RAPGEF4: variants seen among roughly 807,000 people sequenced by gnomAD.
RAPGEF4 encodes the protein Rap guanine nucleotide exchange factor 4.
RAPGEF4 carries 66 observed loss-of-function variants against 147.9 expected under a neutral mutation model. The ratio of observed to expected loss-of-function variants is 0.45; its 90% CI spans 0.37 to 0.55. RAPGEF4 has a LOEUF of 0.55. RAPGEF4 is among the 20% of genes least tolerant of loss of function. RAPGEF4 has a pLI of 0.00. For synonymous variants in RAPGEF4, 419 were observed against 442.7 expected (o/e 0.95, Z 0.67); for missense variants, 1,071 against 1,257.3 (o/e 0.85, Z 2.24).
At chr2:172,951,850 G>A (rs1182517879) in intron 6 of RAPGEF4, among the ~76,000 whole-genome samples, 1 of 152,074 alleles carries the variant, frequency 6.6e-6, no homozygotes, top group Non-Finnish European at 1.5e-5. Context: ...GTTTTTATAG[G>A]ATCATGCGGC....
chr2:172,845,755 G>T (rs911523762), intron 4 of RAPGEF4, among the ~76,000 whole-genome samples: 1 of 152,100 alleles, frequency 6.6e-6, no homozygotes. Context: ...AAGTTCATTC[G>T]CAATGTGGTG....
intron 23 of RAPGEF4, among the ~76,000 whole-genome samples, chr2:173,024,630 C>T (rs1696484611): frequency 6.6e-6 from 1 of 152,176 alleles, no homozygotes; most frequent in African/African-American, 2.4e-5. Flanking sequence ...CTTAACAAGC[C>T]TAGGTATAGG....
At chr2:172,895,719 A>G (rs1698403562) in intron 4 of RAPGEF4, among the ~76,000 whole-genome samples, 1 of 152,184 alleles carries the variant, frequency 6.6e-6, no homozygotes, top group African/African-American at 2.4e-5. Flanking sequence ...AGAGATGAGT[A>G]TCTTATTTTT....
chr2:173,020,605 T>C lies in RAPGEF4; in HGVS notation c.2156-13T>C. On this transcript the variant is annotated splice_polypyrimidine_tract_variant and intron_variant, in intron 22 of 30. Coordinates refer to ENST00000397081, the MANE Select transcript of RAPGEF4 (RefSeq NM_007023.4). ...GTATTTAATAGGCAATCTCATGCTT[T>C]TTATGTTCACAGAAAAGGTGGTGCT... The C allele has an allele frequency of 2.5e-6, 4 of 1,606,960 alleles. No homozygotes were observed. The highest frequency in any genetic ancestry group is 3.4e-6 in the Non-Finnish European group (4 of 1,173,720).
chr2:172,873,862 A>T (rs1391397697), intron 4 of RAPGEF4, among the ~76,000 whole-genome samples: 1 of 152,260 alleles, frequency 6.6e-6, no homozygotes, highest in Non-Finnish European at 1.5e-5. Context: ...AAGAAAACAA[A>T]CAACCTAATC....
intron 13 of RAPGEF4, 79 bp from the exon 14 acceptor site, chr2:172,988,614 G>A (rs1489148625): frequency 8.2e-6 from 12 of 1,460,524 alleles, no homozygotes; most frequent in Non-Finnish European, 1.1e-5. Flanking sequence ...TTAGGGGCTT[G>A]GGGGTCTTGT....
intron 3 of RAPGEF4, among the ~76,000 whole-genome samples, chr2:172,808,793 G>A (rs1200317736): frequency 6.6e-6 from 1 of 152,164 alleles, no homozygotes; most frequent in African/African-American, 2.4e-5. Flanking sequence ...GATAAGTTTT[G>A]AATTAAGTCT....
At chr2:172,823,051 ATACTC>A (rs1284481898) in intron 4 of RAPGEF4, among the ~76,000 whole-genome samples, 2 of 152,242 alleles carry the variant, frequency 1.3e-5, no homozygotes, top group East Asian at 1.9e-4. Flanking sequence ...AACTGAAAAA[ATACTC>A]TAAGAAAGAT....
In RAPGEF4 at chr2:172,739,112, G is replaced by A. The variant is rs905095251; in HGVS notation, c.65+3064G>A. Among the ~76,000 whole-genome samples the A allele has an allele frequency of 5.9e-5, 9 of 152,180 alleles. No individual in the cohort carries two copies. The East Asian group carries it at 1.5e-3, about 26-fold the overall frequency. On this transcript the variant is annotated intron_variant, in intron 1 of 30. Transcript: ENST00000397081. ...CTATGGTGGGACTGAGGAGATGAGG[G>A]TCTACAAATACTAATCTTAAAACCA...
intron 4 of RAPGEF4, among the ~76,000 whole-genome samples, chr2:172,889,004 C>T (rs1167886353): frequency 2.0e-5 from 3 of 152,012 alleles, no homozygotes; most frequent in South Asian, 2.1e-4. Context: ...ACCTCTTCAC[C>T]GAGGGAAAGA....
At chr2:172,815,206 C>T (rs905765085) in intron 4 of RAPGEF4, among the ~76,000 whole-genome samples, 4 of 152,356 alleles carry the variant, frequency 2.6e-5, no homozygotes, top group Admixed American at 6.5e-5. Flanking sequence ...AGGCTGCAGG[C>T]TTCGCCACTG....
At chr2:172,937,095 C>T (rs1253697781) in intron 6 of RAPGEF4, among the ~76,000 whole-genome samples, 1 of 148,234 alleles carries the variant, frequency 6.7e-6, no homozygotes, top group Admixed American at 6.8e-5. Flanking sequence ...GTGGTACCTG[C>T]TTGCAGTCCT....
In RAPGEF4 at chr2:172,967,365, G is replaced by A. The variant is rs1321009824; in HGVS notation, c.925G>A (p.Asp309Asn). ...TACTGAGGAGGAGAAGAAGGAGTGT[G>A]ATGAGGAGCTCCAGGACACCATGCT... ...LPTEEEKKEC[D>N]EELQDTMLLL... Residue 309 changes from aspartate to asparagine, a missense_variant, in exon 10 of 31, where the codon GAT becomes AAT. Coordinates refer to ENST00000397081, the MANE Select transcript of RAPGEF4 (RefSeq NM_007023.4). The A allele has an allele frequency of 1.9e-6, 3 of 1,612,122 alleles. No individual in the cohort carries two copies. Among genetic ancestry groups the A allele is most frequent in the South Asian group, 2.2e-5 (2 of 90,958 alleles).
intron 1 of RAPGEF4, among the ~76,000 whole-genome samples, chr2:172,764,500 G>T (rs1053327057): frequency 6.6e-6 from 1 of 152,192 alleles, no homozygotes; most frequent in Non-Finnish European, 1.5e-5. Flanking sequence ...GTAGTCGAAG[G>T]AGTGTAGGTG....
chr2:173,046,083 A>G (rs941864887), intron 29 of RAPGEF4, among the ~76,000 whole-genome samples: 4 of 152,258 alleles, frequency 2.6e-5, no homozygotes, highest in Middle Eastern at 3.2e-3. Flanking sequence ...ACCATTAAAC[A>G]TTATTGTCCG....
chr2:172,841,454 C>T (rs933115745), intron 4 of RAPGEF4, among the ~76,000 whole-genome samples: 1 of 152,178 alleles, frequency 6.6e-6, no homozygotes, highest in African/African-American at 2.4e-5. Context: ...TACCCAGCCT[C>T]AGGTATTCCT....
Position 173,051,709 on chromosome 2 carries a change from T to C in RAPGEF4, c.2978T>C (p.Ile993Thr), listed in dbSNP as rs768247176. 6.2e-7 allele frequency: 1 copy of C among 1,614,032 alleles called. No homozygotes were observed. The change falls in exon 31 of 31, where the codon ATT becomes ACT. Residue 993 changes from isoleucine (I) to threonine (T), a missense_variant. Ile to Thr is a moderately conservative substitution (Grantham distance 89). Coordinates refer to ENST00000397081, the MANE Select transcript of RAPGEF4 (RefSeq NM_007023.4). ...VRSYVRQLNVIDNQRTLSQMS... is the reference protein window; with the variant it reads ...VRSYVRQLNVTDNQRTLSQMS... ...AGTTATGTACGGCAATTAAATGTGA[T>C]TGACAACCAGAGAACTTTATCACAG...
intron 4 of RAPGEF4, among the ~76,000 whole-genome samples, chr2:172,824,860 C>T (rs1392548177): frequency 1.3e-5 from 2 of 152,198 alleles, no homozygotes; most frequent in African/African-American, 2.4e-5. Flanking sequence ...CCCTAGGAAT[C>T]GTGGGAGGCT....
intron 17 of RAPGEF4, among the ~76,000 whole-genome samples, chr2:173,011,586 A>G (rs73017524): frequency 0.043 from 6,491 of 151,962 alleles, 445 homozygotes; most frequent in African/African-American, 0.14. Context: ...TTTCTCTCTT[A>G]CACATGTGAA....
Sources: gnomAD v4.1 joint callset for allele counts (sites outside exome capture counted in the v4.1 genomes callset) on GRCh38, gnomAD v4.1.1 for gene constraint, MANE v1.5 for transcripts, NCBI Gene and HGNC (gene_info 2026-07-23, HGNC 2026-07-21) for gene names.